The following PATJ variants were observed in gnomAD, a reference collection of about 807,000 sequenced individuals.
PATJ encodes PATJ crumbs cell polarity complex component.
Under a neutral mutation model 224.9 loss-of-function variants are expected in PATJ, and 190 were observed. The observed-to-expected ratio is 0.84, with a 90% confidence interval of 0.75 to 0.95. The LOEUF is 0.95. Among genes scored for constraint, PATJ ranks in the 40% least tolerant of loss-of-function variants. The pLI is 0.00. For synonymous variants in PATJ, 769 were observed against 820.3 expected, an observed-to-expected ratio of 0.94 and a Z score of 1.07; for missense variants, 2,121 against 2,270.3, an observed-to-expected ratio of 0.93 and a Z score of 1.34.
chr1:61,977,115 TCTCA>T (rs1644177974), intron 27 of PATJ, among the ~76,000 whole-genome samples: 2 of 152,080 alleles, frequency 1.3e-5, no homozygotes, highest in South Asian at 4.1e-4. Context: ...AGAGATGGGG[TCTCA>T]CTCTGTTGCT....
chr1:62,071,523 T>C (rs1657408755), intron 31 of PATJ, among the ~76,000 whole-genome samples: 1 of 148,810 alleles, frequency 6.7e-6, no homozygotes, highest in South Asian at 2.2e-4. Flanking sequence ...GACAGAATCT[T>C]GCTCTGTCAC....
chr1:61,810,093 AC>A (rs1469266943), intron 14 of PATJ, among the ~76,000 whole-genome samples: 17 of 151,746 alleles, frequency 1.1e-4, no homozygotes, highest in African/African-American at 3.4e-4. Flanking sequence ...CAGGTGATCC[AC>A]CTGCCTCGGC....
intron 41 of PATJ, among the ~76,000 whole-genome samples, chr1:62,138,212 T>C (rs1449043356): frequency 1.3e-5 from 2 of 152,124 alleles, no homozygotes; most frequent in African/African-American, 2.4e-5. Flanking sequence ...GGTGATGCAA[T>C]ACCCATCACC....
chr1:61,750,873 C>T (rs1353889748), intron 1 of PATJ, among the ~76,000 whole-genome samples: 1 of 152,148 alleles, frequency 6.6e-6, no homozygotes, highest in Non-Finnish European at 1.5e-5. Context: ...AAGTAGTTAT[C>T]TACTGAAAGG....
intron 11 of PATJ, 145 bp downstream of exon 11, chr1:61,797,573 G>C (rs1651603069): frequency 1.5e-6 from 1 of 671,564 alleles, no homozygotes; most frequent in Non-Finnish European, 2.5e-6. Context: ...CAGCTCATTT[G>C]TTCACTGAAG....
At chr1:62,095,132 A>G (rs1370367310) in intron 33 of PATJ, among the ~76,000 whole-genome samples, 5 of 152,232 alleles carry the variant, frequency 3.3e-5, no homozygotes. Flanking sequence ...TTCAAAGGCA[A>G]TAATCTTTTA....
rs1202652841 is a variant in PATJ at position 62,123,046 on chromosome 1, T to A, written c.5031T>A (p.Val1677=). ...NSGTDMEPRT[V]EINRELSDAL... ...GCACAGATATGGAACCAAGGACTGT[T>A]GAGATAAACAGGGTAAGTCAGTCAT... The change falls in exon 39 of 44, where the codon GTT becomes GTA. Residue 1677 remains valine (V), a synonymous_variant. Coordinates refer to ENST00000642238, the MANE Select transcript of PATJ (RefSeq NM_001350145.3). The A allele has an allele frequency of 2.5e-6, 4 of 1,596,260 alleles. No homozygotes were observed. Among genetic ancestry groups the A allele is most frequent in the Non-Finnish European group, 3.4e-6 (4 of 1,168,764 alleles).
intron 22 of PATJ, among the ~76,000 whole-genome samples, chr1:61,885,194 A>G (rs1668643854): frequency 6.6e-6 from 1 of 152,132 alleles, no homozygotes; most frequent in Admixed American, 6.5e-5. Flanking sequence ...TAATTAAACT[A>G]AAGAGCTTCT....
intron 27 of PATJ, among the ~76,000 whole-genome samples, chr1:61,933,354 C>G (rs561647685): frequency 2.2e-4 from 33 of 152,164 alleles, no homozygotes; most frequent in South Asian, 6.2e-4. Flanking sequence ...GCCTGGCCAA[C>G]ATGGTGAAAC....
At position 61,822,949 on chromosome 1, in the gene PATJ, T is replaced by TGCCTATTCACAC. The variant is rs780387173; in HGVS notation, c.1689_1700dup (p.Pro564_Thr567dup). ...TTGCTTTGTGTTTTGCTACAGCTGC[T>TGCCTATTCACAC]GCCTATTCACACTCTGAGGCTTGGT... On this transcript the variant is annotated inframe_insertion, in exon 15 of 44. Transcript: ENST00000642238. 1.2e-6 allele frequency: 2 copies of TGCCTATTCACAC among 1,614,122 alleles called. No homozygotes were observed. Among genetic ancestry groups the TGCCTATTCACAC allele is most frequent in the Admixed American group, 3.3e-5 (2 of 60,022 alleles).
chr1:61,817,917 C>G (rs1187926880), intron 14 of PATJ, among the ~76,000 whole-genome samples: 1 of 152,106 alleles, frequency 6.6e-6, no homozygotes, highest in Non-Finnish European at 1.5e-5. Flanking sequence ...GTGAGAGTTA[C>G]AAGAACCAAT....
chr1:61,980,656 A>G (rs1420761734), intron 27 of PATJ, among the ~76,000 whole-genome samples: 3 of 151,972 alleles, frequency 2.0e-5, no homozygotes, highest in Non-Finnish European at 2.9e-5. Context: ...TTCTCTATAC[A>G]TTTTCTTTCC....
At chr1:61,911,805 C>A (rs1672698245) in intron 25 of PATJ, among the ~76,000 whole-genome samples, 1 of 148,270 alleles carries the variant, frequency 6.7e-6, no homozygotes, top group South Asian at 2.1e-4. Context: ...GAACACATGC[C>A]TGTAAACCCC....
intron 27 of PATJ, among the ~76,000 whole-genome samples, chr1:61,935,776 G>GT (rs1244514638): frequency 3.3e-5 from 5 of 151,312 alleles, no homozygotes; most frequent in Non-Finnish European, 7.4e-5. Flanking sequence ...GGGCAACAGA[G>GT]TGAGACCCTG....
At chr1:61,995,092 A>T (rs67417917) in intron 28 of PATJ, among the ~76,000 whole-genome samples, 2 of 152,244 alleles carry the variant, frequency 1.3e-5, no homozygotes, top group East Asian at 3.9e-4. Flanking sequence ...AGAAAGCTAA[A>T]GCCAGTGTTA....
intron 41 of PATJ, among the ~76,000 whole-genome samples, chr1:62,131,594 G>A (rs1055618777): frequency 4.0e-5 from 6 of 151,870 alleles, no homozygotes; most frequent in African/African-American, 1.5e-4. Context: ...GTTGCAATGA[G>A]CCAAGATCAC....
At chr1:61,811,985 C>T (rs541564640) in intron 14 of PATJ, among the ~76,000 whole-genome samples, 3 of 151,370 alleles carry the variant, frequency 2.0e-5, no homozygotes, top group Non-Finnish European at 2.9e-5. Context: ...GGCGTGAACC[C>T]GGGAGGCGGA....
At chr1:62,037,855 T>C in intron 29 of PATJ, 122 bp from the exon 30 acceptor site, 1 of 347,618 alleles carries the variant, frequency 2.9e-6, no homozygotes, top group Non-Finnish European at 5.3e-6. Flanking sequence ...TTTATATATA[T>C]ATATTTAATT....
intron 27 of PATJ, among the ~76,000 whole-genome samples, chr1:61,978,227 C>CCTTCCTTCCTT (rs1557979101): frequency 6.7e-5 from 8 of 119,076 alleles, no homozygotes; most frequent in African/African-American, 2.2e-4. Flanking sequence ...CTTCCTTCCT[C>CCTTCCTTCCTT]CCTCCCTCCC....
Sources: allele counts gnomAD v4.1 joint callset (sites outside exome capture counted in the v4.1 genomes callset), GRCh38; gene constraint gnomAD v4.1.1; transcripts MANE v1.5; gene names NCBI Gene and HGNC (gene_info 2026-07-23, HGNC 2026-07-21).